MYRIP: variants seen among roughly 807,000 people sequenced by gnomAD.
The protein encoded by MYRIP is myosin VIIA and Rab interacting protein.
A neutral mutation model predicts 98.0 loss-of-function variants in MYRIP; 49 were observed. The observed-to-expected ratio is 0.50, with a 90% CI of 0.40 to 0.63. The LOEUF is 0.63. Ranked by LOEUF, MYRIP falls within the 30% of genes least tolerant of loss-of-function variation. The probability of loss-of-function intolerance (pLI) is 0.00; values close to 1 mark genes in which losing one functional copy is unlikely to be tolerated. For synonymous variants in MYRIP, 404 were observed against 409.5 expected (o/e 0.99, Z 0.16); for missense variants, 1,004 against 1,058.2 (o/e 0.95, Z 0.71).
intron 1 of MYRIP, among the ~76,000 whole-genome samples, chr3:39,878,922 T>C (rs1322863971): frequency 2.0e-5 from 3 of 147,440 alleles, no homozygotes; most frequent in African/African-American, 7.5e-5. Context: ...AAAAAATAGC[T>C]GGGCATGGTG....
chr3:39,993,349 A>T (rs555617623), intron 2 of MYRIP, among the ~76,000 whole-genome samples: 1 of 152,192 alleles, frequency 6.6e-6, no homozygotes, highest in African/African-American at 2.4e-5. Context: ...TTTTTGGGGA[A>T]TATATCAAAC....
At chr3:39,860,836 G>T (rs1213582307) in intron 1 of MYRIP, among the ~76,000 whole-genome samples, 8 of 152,188 alleles carry the variant, frequency 5.3e-5, no homozygotes, top group African/African-American at 2.4e-5. Context: ...ATTGGCATGT[G>T]TAGGCATGTA....
chr3:40,245,836 C>T (rs1381995175), intron 13 of MYRIP, among the ~76,000 whole-genome samples: 1 of 145,222 alleles, frequency 6.9e-6, no homozygotes, highest in Non-Finnish European at 1.5e-5. Flanking sequence ...CAACATTCAC[C>T]TCCCTGGTTC....
intron 2 of MYRIP, among the ~76,000 whole-genome samples, chr3:39,904,650 G>A (rs1191648950): frequency 6.6e-6 from 1 of 152,172 alleles, no homozygotes; most frequent in Non-Finnish European, 1.5e-5. Context: ...GAAGGACACT[G>A]GGGAAAGCTT....
intron 2 of MYRIP, among the ~76,000 whole-genome samples, chr3:39,916,408 CAA>C (rs34541190): frequency 1.5e-4 from 21 of 143,470 alleles, no homozygotes; most frequent in South Asian, 2.2e-4. Flanking sequence ...ATATTGAGAA[CAA>C]AAAAAAAAAA....
At chr3:40,193,292 A>G (rs891165991) in intron 10 of MYRIP, among the ~76,000 whole-genome samples, 5 of 152,184 alleles carry the variant, frequency 3.3e-5, no homozygotes, top group African/African-American at 1.2e-4. Context: ...TAATAGATCC[A>G]ACAAAAGTCA....
chr3:39,941,501 G>GTA lies in MYRIP; in HGVS notation c.110+40576_110+40577insAT, dbSNP rs1316329304. On this transcript the variant is annotated intron_variant, in intron 2 of 16. Transcript: ENST00000302541. The stretch of plus-strand genomic sequence containing the variant: ...CTTTTAAAAATGTATGTGTGTGTGT[G>GTA]TGTGTGTGTATATATATACACACAC... Among the ~76,000 whole-genome samples, 626 of 146,796 alleles carry GTA rather than the reference G, an allele frequency of 4.3e-3. 2 individuals are homozygous for GTA. The highest frequency in any genetic ancestry group is 0.016 in the African/African-American group (604 of 38,154).
chr3:39,947,950 T>C (rs1944937303), intron 2 of MYRIP, among the ~76,000 whole-genome samples: 1 of 152,156 alleles, frequency 6.6e-6, no homozygotes, highest in African/African-American at 2.4e-5. Context: ...AAGAAAATGC[T>C]CTCAAAGATT....
At chr3:40,152,286 G>A (rs940477856) in intron 4 of MYRIP, among the ~76,000 whole-genome samples, 1 of 152,080 alleles carries the variant, frequency 6.6e-6, no homozygotes, top group Admixed American at 6.5e-5. Flanking sequence ...GAATAGAATC[G>A]GCTCACTCAT....
intron 10 of MYRIP, among the ~76,000 whole-genome samples, chr3:40,194,000 G>A (rs1011908081): frequency 6.6e-6 from 1 of 152,036 alleles, no homozygotes; most frequent in South Asian, 2.1e-4. Context: ...ATGGTTACAC[G>A]TGAAACTATT....
chr3:40,010,802 T>G (rs1233111292), intron 2 of MYRIP, among the ~76,000 whole-genome samples: 2 of 152,188 alleles, frequency 1.3e-5, no homozygotes, highest in Non-Finnish European at 2.9e-5. Flanking sequence ...GGTTCTGGAC[T>G]TCTTGTGCCA....
intron 3 of MYRIP, among the ~76,000 whole-genome samples, chr3:40,107,538 T>TGAGG (rs2125898286): frequency 6.6e-6 from 1 of 152,226 alleles, no homozygotes; most frequent in South Asian, 2.1e-4. Context: ...AGCTCATCAC[T>TGAGG]GGGCTGAATC....
chr3:39,959,737 G>A (rs1208718329), intron 2 of MYRIP, among the ~76,000 whole-genome samples: 2 of 151,422 alleles, frequency 1.3e-5, no homozygotes, highest in Admixed American at 6.6e-5. Flanking sequence ...TAAAACAAGT[G>A]GATTGTATAG....
intron 1 of MYRIP, among the ~76,000 whole-genome samples, chr3:39,836,755 A>G (rs1652275492): frequency 6.6e-6 from 1 of 152,216 alleles, no homozygotes; most frequent in South Asian, 2.1e-4. Context: ...GCATTTATTT[A>G]GTATAGAATT....
intron 2 of MYRIP, among the ~76,000 whole-genome samples, chr3:39,945,486 AAAAAAG>A (rs1301554660): frequency 5.8e-4 from 77 of 132,060 alleles, no homozygotes; most frequent in Non-Finnish European, 1.0e-3. Flanking sequence ...CAAAAAAAAA[AAAAAAG>A]AAAAAAGAAA....
chr3:39,921,467 T>C (rs772886723), intron 2 of MYRIP, among the ~76,000 whole-genome samples: 1 of 152,194 alleles, frequency 6.6e-6, no homozygotes, highest in African/African-American at 2.4e-5. Context: ...TTTAAACCAT[T>C]TGTTTTTTGA....
intron 11 of MYRIP, among the ~76,000 whole-genome samples, chr3:40,211,541 T>G (rs1951926199): frequency 6.6e-6 from 1 of 152,160 alleles, no homozygotes; most frequent in Non-Finnish European, 1.5e-5. Context: ...GAGGAGCCCC[T>G]CACTGGGATA....
chr3:39,882,196 T>C (rs2125646033), intron 1 of MYRIP, among the ~76,000 whole-genome samples: 1 of 152,212 alleles, frequency 6.6e-6, no homozygotes, highest in Admixed American at 6.5e-5. Flanking sequence ...TGAAGACCCA[T>C]GGGTTTATGA....
intron 8 of MYRIP, among the ~76,000 whole-genome samples, chr3:40,180,301 A>G (rs1950855157): frequency 6.6e-6 from 1 of 152,234 alleles, no homozygotes; most frequent in Admixed American, 6.5e-5. Flanking sequence ...GCACTTTGAA[A>G]AACTCATTTT....
Sources: gnomAD v4.1 joint callset for allele counts (sites outside exome capture counted in the v4.1 genomes callset) on GRCh38, gnomAD v4.1.1 for gene constraint, MANE v1.5 for transcripts, NCBI Gene and HGNC (gene_info 2026-07-23, HGNC 2026-07-21) for gene names.